The following TASP1 variants were observed in gnomAD, a reference collection of about 807,000 sequenced individuals.
TASP1 encodes the protein taspase 1.
Under a neutral mutation model 56.6 loss-of-function variants are expected in TASP1, and 16 were observed. The ratio of observed to expected loss-of-function variants is 0.28; its 90% CI spans 0.19 to 0.43. The LOEUF is 0.43. Ranked by LOEUF, TASP1 falls within the 20% of genes least tolerant of loss-of-function variation. The pLI is 1.00. For missense variants in TASP1, 393 were observed against 511.6 expected (o/e 0.77, Z 2.24); for synonymous variants, 179 against 184.2 (o/e 0.97, Z 0.23).
At chr20:13,263,456 C>A in the TASP1 span, among the ~76,000 whole-genome samples, 1 of 152,032 alleles carries the variant, frequency 6.6e-6, no homozygotes, top group South Asian at 2.1e-4. Context: ...TTTATTCATT[C>A]TCCTGGTTTT....
At chr20:13,318,648 G>A in the TASP1 span, among the ~76,000 whole-genome samples, 6 of 152,176 alleles carry the variant, frequency 3.9e-5, no homozygotes, top group African/African-American at 1.2e-4. Flanking sequence ...ATATTCCATT[G>A]TCTGGCTATC....
At chr20:13,561,356 C>T (rs927685034) in intron 7 of TASP1, among the ~76,000 whole-genome samples, 1 of 151,896 alleles carries the variant, frequency 6.6e-6, no homozygotes, top group Non-Finnish European at 1.5e-5. Context: ...TTGTTTTCCA[C>T]GTGATTTTAT....
chr20:13,227,654 G>A, the TASP1 span, among the ~76,000 whole-genome samples: 33 of 149,280 alleles, frequency 2.2e-4, no homozygotes, highest in African/African-American at 7.6e-4. Context: ...GACTACAGGC[G>A]CCCGCCACCA....
intron 4 of TASP1, among the ~76,000 whole-genome samples, chr20:13,612,242 A>G (rs1379386736): frequency 5.9e-5 from 9 of 152,264 alleles, no homozygotes; most frequent in Middle Eastern, 3.4e-3. Context: ...AATGCTGCAT[A>G]TCTTCTGATT....
intron 12 of TASP1, among the ~76,000 whole-genome samples, chr20:13,418,442 A>T (rs1025466018): frequency 1.3e-5 from 2 of 152,212 alleles, no homozygotes; most frequent in African/African-American, 2.4e-5. Context: ...TAATGAGAGT[A>T]ATGAGTTATA....
rs1245644874 is a variant in TASP1, at chr20:13,417,466, G to A, written c.1152C>T (p.Ala384=). Residue 384 remains alanine, a synonymous_variant, in exon 13 of 14, where the codon GCC becomes GCT. Coordinates refer to ENST00000337743, the MANE Select transcript of TASP1 (RefSeq NM_017714.3). ...CACTTACCTTGGCTTTCCCATCCTGGGCTGACATATATCCGACACACATGC... is the reference window on the plus strand; with the variant it reads ...CACTTACCTTGGCTTTCCCATCCTGAGCTGACATATATCCGACACACATGC... ...TESMCVGYMS[A]QDGKAKTHIS... is the part of the protein sequence containing the mutation. The A allele has an allele frequency of 1.2e-6, 2 of 1,614,096 alleles. No homozygotes were observed. The highest frequency in any genetic ancestry group is 2.2e-5 in the South Asian group (2 of 91,080).
chr20:13,582,129 A>C (rs1465612344), intron 5 of TASP1, among the ~76,000 whole-genome samples: 1 of 151,680 alleles, frequency 6.6e-6, no homozygotes, highest in Non-Finnish European at 1.5e-5. Context: ...AATACAAAAA[A>C]AAAAAAAAAG....
chr20:13,186,513 C>G, the TASP1 span, among the ~76,000 whole-genome samples: 6,603 of 152,160 alleles, frequency 0.043, 224 homozygotes, highest in East Asian at 0.2. Context: ...ACCAGTAGAA[C>G]AGTTGTGAAG....
At chr20:13,280,393 C>CT in the TASP1 span, among the ~76,000 whole-genome samples, 29 of 27,886 alleles carry the variant, frequency 1.0e-3, no homozygotes, top group Non-Finnish European at 1.2e-4. Flanking sequence ...TCAAAGTAAC[C>CT]CCCCCCCCCC....
chr20:13,317,688 G>A, the TASP1 span, among the ~76,000 whole-genome samples: 1 of 152,080 alleles, frequency 6.6e-6, no homozygotes, highest in Non-Finnish European at 1.5e-5. Context: ...CAACACAGTG[G>A]AGAAAGGAGT....
chr20:13,418,434 A>G (rs182957332), intron 12 of TASP1, among the ~76,000 whole-genome samples: 40 of 152,322 alleles, frequency 2.6e-4, no homozygotes, highest in African/African-American at 9.6e-4. Flanking sequence ...AAAATAAATA[A>G]TGAGAGTAAT....
At chr20:13,361,541 C>T in the TASP1 span, among the ~76,000 whole-genome samples, 5 of 152,202 alleles carry the variant, frequency 3.3e-5, no homozygotes, top group African/African-American at 1.2e-4. Context: ...TTACCACTTT[C>T]CCTTCTCAGA....
intron 10 of TASP1, among the ~76,000 whole-genome samples, chr20:13,495,161 T>A (rs1319776143): frequency 6.6e-6 from 1 of 152,152 alleles, no homozygotes; most frequent in Non-Finnish European, 1.5e-5. Context: ...AATAATTTTC[T>A]TAATGACTTA....
chr20:13,352,761 A>C, the TASP1 span, among the ~76,000 whole-genome samples: 1 of 152,204 alleles, frequency 6.6e-6, no homozygotes. Context: ...CCATTGAACC[A>C]GTGTTTTAAG....
At chr20:13,165,814 G>A in the TASP1 span, 1 of 152,168 alleles carries the variant, frequency 6.6e-6, no homozygotes. Context: ...ATTCAAGAAG[G>A]ACATTTAAAA....
chr20:13,265,077 T>G, the TASP1 span, among the ~76,000 whole-genome samples: 1 of 152,176 alleles, frequency 6.6e-6, no homozygotes, highest in Non-Finnish European at 1.5e-5. Context: ...AACTCTGTTA[T>G]TTCATATGAA....
intron 10 of TASP1, among the ~76,000 whole-genome samples, chr20:13,483,879 G>A (rs976630693): frequency 6.6e-6 from 1 of 152,138 alleles, no homozygotes; most frequent in Non-Finnish European, 1.5e-5. Flanking sequence ...GCAACCTACA[G>A]AATGGGAGAA....
chr20:13,215,939 C>T, the TASP1 span, among the ~76,000 whole-genome samples: 1 of 152,178 alleles, frequency 6.6e-6, no homozygotes, highest in Non-Finnish European at 1.5e-5. Flanking sequence ...ACTGTGACCC[C>T]TTCGTAGTTC....
the TASP1 span, among the ~76,000 whole-genome samples, chr20:13,351,668 TG>T: frequency 6.6e-6 from 1 of 152,170 alleles, no homozygotes; most frequent in Non-Finnish European, 1.5e-5. Context: ...TTGTGGAATT[TG>T]GGGGGCTGTT....
Sources: allele counts gnomAD v4.1 joint callset (sites outside exome capture counted in the v4.1 genomes callset), GRCh38; gene constraint gnomAD v4.1.1; transcripts MANE v1.5; gene names NCBI Gene and HGNC (gene_info 2026-07-23, HGNC 2026-07-21).